Variants in SLCO5A1 observed in about 807,000 individuals in gnomAD.
The protein encoded by SLCO5A1 is organic anion transporter polypeptide-related protein 4.
A neutral mutation model predicts 65.1 loss-of-function variants in SLCO5A1; 39 were observed. That is an observed-to-expected ratio of 0.60 (90% CI 0.46 to 0.78). The LOEUF (loss-of-function observed/expected upper bound fraction) is 0.78, where lower values mean the gene tolerates loss of function less well. Ranked by LOEUF, SLCO5A1 falls within the 30% of genes least tolerant of loss-of-function variation. The probability of loss-of-function intolerance (pLI) is 0.00; values close to 1 mark genes in which losing one functional copy is unlikely to be tolerated. For missense variants in SLCO5A1, 1,029 were observed against 1,069.4 expected (o/e 0.96, Z 0.53); for synonymous variants, 438 against 415.7 (o/e 1.05, Z -0.65).
At chr8:69,759,029 C>T (rs144836296) in intron 3 of SLCO5A1, among the ~76,000 whole-genome samples, 55 of 152,312 alleles carry the variant, frequency 3.6e-4, no homozygotes, top group Middle Eastern at 3.4e-3. Flanking sequence ...CAGTGACTAC[C>T]TATGGTTGTT....
At chr8:69,776,005 G>A (rs549240784) in intron 2 of SLCO5A1, among the ~76,000 whole-genome samples, 1 of 151,864 alleles carries the variant, frequency 6.6e-6, no homozygotes, top group African/African-American at 2.4e-5. Context: ...CCAAGACCCT[G>A]TCTCAAAAAA....
intron 2 of SLCO5A1, 52 bp downstream of exon 2, chr8:69,831,715 A>C (rs1168740357): frequency 6.5e-7 from 1 of 1,528,604 alleles, no homozygotes; most frequent in Admixed American, 2.1e-5. Flanking sequence ...TTTGTAAGGA[A>C]AGTAAGTTTC....
Position 69,769,869 on chromosome 8 carries a change from C to T in SLCO5A1, c.908-7994G>A, listed in dbSNP as rs551653701. On this transcript the variant is annotated intron_variant, in intron 2 of 9. Transcript: ENST00000260126. ...TTTTAAATTAAACTTTAGGGTTTTT[C>T]CTAATGATTACTAAATATAAGATGG... is the stretch of plus-strand genomic sequence containing the variant. 5.7e-4 allele frequency among the ~76,000 whole-genome samples: 86 copies of T among 152,136 alleles called. 1 individual carries two copies. The Middle Eastern group carries it at 0.01, about 18-fold the overall frequency.
chr8:69,832,044 G>T lies in SLCO5A1; in HGVS notation c.630C>A (p.Ala210=), dbSNP rs745840167. 6.8e-6 allele frequency: 11 copies of T among 1,611,992 alleles called. 1 individual carries two copies. The South Asian group carries it at 1.2e-4, about 18-fold the overall frequency. ...VGGLLIAFGA[A]LFALPHFISP... is the part of the protein sequence containing the mutation. ...AGATGAAGTGAGGTAAGGCGAAGAG[G>T]GCTGCCCCGAAGGCGATGAGGAGTC... Residue 210 remains alanine, a synonymous_variant, in exon 2 of 10, where the codon GCC becomes GCA. Coordinates refer to ENST00000260126, the MANE Select transcript of SLCO5A1 (RefSeq NM_030958.3). This position sits in a 1 kb window ranked among gnomAD's most constrained non-coding sequence, Gnocchi z 4.5.
chr8:69,737,979 C>G (rs563232364), intron 5 of SLCO5A1, 61 bp downstream of exon 5: 68 of 1,550,556 alleles, frequency 4.4e-5, no homozygotes, highest in Admixed American at 2.5e-4. Flanking sequence ...TTCTCTTTAC[C>G]CATTCCATTT....
At chr8:69,774,693 C>G (rs1308619400) in intron 2 of SLCO5A1, among the ~76,000 whole-genome samples, 4 of 152,174 alleles carry the variant, frequency 2.6e-5, no homozygotes, top group African/African-American at 9.7e-5. Context: ...CAGGGTGGTG[C>G]CACAGAAAAA....
chr8:69,787,698 A>G (rs149655458), intron 2 of SLCO5A1, among the ~76,000 whole-genome samples: 1 of 152,234 alleles, frequency 6.6e-6, no homozygotes, highest in African/African-American at 2.4e-5. Flanking sequence ...CTTTGCCATC[A>G]TGTGAGTTAT....
rs1233807850 is a variant in SLCO5A1 at position 69,669,508 on chromosome 8, T to C, written c.*3361A>G. ...TACTTCTCTGAGTCTTGGTTTCATATGTTTTTTAAAAAAATAATAAAATCA... is the reference window on the plus strand; with the variant it reads ...TACTTCTCTGAGTCTTGGTTTCATACGTTTTTTAAAAAAATAATAAAATCA... On this transcript the variant is annotated 3_prime_UTR_variant, in exon 10 of 10. Coordinates refer to ENST00000260126, the MANE Select transcript of SLCO5A1 (RefSeq NM_030958.3). 6.6e-6 allele frequency: 1 copy of C among 152,184 alleles called. No individual in the cohort carries two copies. The highest frequency in any genetic ancestry group is 1.5e-5 in the Non-Finnish European group (1 of 68,042). 9.4% of individuals were successfully genotyped at this position (152,184 alleles called of 1,614,324 possible).
At chr8:69,801,802 G>A (rs1819748773) in intron 2 of SLCO5A1, among the ~76,000 whole-genome samples, 1 of 152,192 alleles carries the variant, frequency 6.6e-6, no homozygotes, top group African/African-American at 2.4e-5. Flanking sequence ...AGAGCAAACA[G>A]TGCAATCTCT....
At chr8:69,701,126 A>G (rs1431583213) in intron 6 of SLCO5A1, among the ~76,000 whole-genome samples, 1 of 152,172 alleles carries the variant, frequency 6.6e-6, no homozygotes, top group Non-Finnish European at 1.5e-5. Context: ...TGAGCTCATC[A>G]GATAAGTGGA....
chr8:69,700,231 A>T (rs1201617312), intron 6 of SLCO5A1: 1 of 152,262 alleles, frequency 6.6e-6, no homozygotes, highest in Non-Finnish European at 1.5e-5. Flanking sequence ...GGAGGATATG[A>T]GAGTAATTTG....
intron 2 of SLCO5A1, among the ~76,000 whole-genome samples, chr8:69,826,517 A>G (rs1371698355): frequency 5.9e-5 from 9 of 152,354 alleles, no homozygotes; most frequent in Non-Finnish European, 8.8e-5. Context: ...GCAGCCAAAA[A>G]ACACACGAAA....
At chr8:69,801,261 A>C (rs1819723391) in intron 2 of SLCO5A1, among the ~76,000 whole-genome samples, 1 of 152,234 alleles carries the variant, frequency 6.6e-6, no homozygotes, top group African/African-American at 2.4e-5. Flanking sequence ...AGATATCTTA[A>C]ATTAGTAGAG....
At chr8:69,701,286 A>C (rs533406879) in intron 6 of SLCO5A1, among the ~76,000 whole-genome samples, 65 of 152,334 alleles carry the variant, frequency 4.3e-4, no homozygotes, top group Non-Finnish European at 7.8e-4. Context: ...TGATACTGTA[A>C]ACCAAAAATA....
intron 5 of SLCO5A1, among the ~76,000 whole-genome samples, chr8:69,720,167 T>C (rs1473587063): frequency 6.6e-6 from 1 of 152,246 alleles, no homozygotes; most frequent in Non-Finnish European, 1.5e-5. Flanking sequence ...AGATAAAACT[T>C]CTCTTTGGAA....
At chr8:69,730,118 A>G (rs1816265409) in intron 5 of SLCO5A1, among the ~76,000 whole-genome samples, 3 of 152,234 alleles carry the variant, frequency 2.0e-5, no homozygotes. Context: ...CATTTTACAA[A>G]TGAGAAACTG....
chr8:69,813,578 AAAGGACTACCT>A (rs1418176186), intron 2 of SLCO5A1, among the ~76,000 whole-genome samples: 1 of 152,166 alleles, frequency 6.6e-6, no homozygotes, highest in Non-Finnish European at 1.5e-5. Flanking sequence ...AAAAGGAGCA[AAAGGACTACCT>A]AACTCCCCAG....
rs779619715 is a variant in SLCO5A1 at position 69,832,642 on chromosome 8, G to A, written c.32C>T (p.Ala11Val). Residue 11 changes from alanine (A) to valine (V), a missense_variant, in exon 2 of 10, where the codon GCG (alanine) becomes GTG (valine). Ala to Val is a moderately conservative substitution (Grantham distance 64). Coordinates refer to ENST00000260126, the MANE Select transcript of SLCO5A1 (RefSeq NM_030958.3). The surrounding 1 kb of genome is among the most constrained non-coding windows in gnomAD (Gnocchi z 4.5). Reference protein sequence around the residue: MDEGTGLQPGAGEQLEAPATA... With the variant: MDEGTGLQPGVGEQLEAPATA... ...GGCCGGCGCCTCCAGCTGCTCTCCC[G>A]CCCCGGGCTGCAGTCCAGTGCCTTC... 6.2e-7 allele frequency: 1 copy of A among 1,606,510 alleles called. No individual in the cohort carries two copies. The highest frequency in any genetic ancestry group is 1.1e-5 in the South Asian group (1 of 90,978).
chr8:69,683,421 G>T (rs189901948), intron 6 of SLCO5A1, among the ~76,000 whole-genome samples: 3 of 152,190 alleles, frequency 2.0e-5, no homozygotes, highest in Admixed American at 2.0e-4. Context: ...AGATTTAGAG[G>T]GGGTGAAAGA....
Sources: allele counts gnomAD v4.1 joint callset (sites outside exome capture counted in the v4.1 genomes callset), GRCh38; gene constraint gnomAD v4.1.1; non-coding constraint Gnocchi (gnomAD v3.1); transcripts MANE v1.5; gene names NCBI Gene and HGNC (gene_info 2026-07-23, HGNC 2026-07-21).